Variants in ZDHHC21 observed in about 807,000 individuals in gnomAD.
ZDHHC21 encodes palmitoyltransferase ZDHHC21.
A neutral mutation model predicts 34.6 loss-of-function variants in ZDHHC21; 15 were observed. The ratio of observed to expected loss-of-function variants is 0.43; its 90% CI spans 0.29 to 0.67. The LOEUF is 0.67. Ranked by LOEUF, ZDHHC21 falls within the 30% of genes least tolerant of loss-of-function variation. ZDHHC21 has a pLI of 0.14. For synonymous variants in ZDHHC21, 142 were observed against 101.8 expected, an observed-to-expected ratio of 1.40 and a Z score of -2.38; for missense variants, 344 against 327.7, an observed-to-expected ratio of 1.05 and a Z score of -0.38.
intron 4 of ZDHHC21, among the ~76,000 whole-genome samples, chr9:14,673,861 T>A (rs1835890993): frequency 6.6e-6 from 1 of 152,024 alleles, no homozygotes; most frequent in African/African-American, 2.4e-5. Context: ...TCTTAAAACA[T>A]CTACATTTGT....
chr9:14,643,293 C>A (rs1172044910), intron 7 of ZDHHC21, among the ~76,000 whole-genome samples: 2 of 151,876 alleles, frequency 1.3e-5, no homozygotes, highest in African/African-American at 2.4e-5. Context: ...GTAACAGTAT[C>A]CTCTCAAGAA....
intron 8 of ZDHHC21, among the ~76,000 whole-genome samples, chr9:14,626,480 T>C (rs190312823): frequency 1.0e-3 from 156 of 152,088 alleles, no homozygotes; most frequent in East Asian, 9.2e-3. Flanking sequence ...AAATAAATTA[T>C]AGAAAAAGAT....
At chr9:14,640,817 G>C (rs998731453) in intron 7 of ZDHHC21, among the ~76,000 whole-genome samples, 1 of 152,118 alleles carries the variant, frequency 6.6e-6, no homozygotes, top group Non-Finnish European at 1.5e-5. Context: ...TTCTGGCTCA[G>C]AGATTGAAAA....
At chr9:14,679,326 C>T (rs1186206884) in intron 3 of ZDHHC21, among the ~76,000 whole-genome samples, 1 of 152,100 alleles carries the variant, frequency 6.6e-6, no homozygotes, top group Non-Finnish European at 1.5e-5. Context: ...AGGTAAGAAT[C>T]TAAGTCATAG....
chr9:14,676,011 G>C (rs1836305552), intron 3 of ZDHHC21, among the ~76,000 whole-genome samples: 1 of 151,958 alleles, frequency 6.6e-6, no homozygotes, highest in Non-Finnish European at 1.5e-5. Context: ...CCTATATCAT[G>C]AAGGACATAA....
Position 14,653,117 on chromosome 9 carries a change from C to A in ZDHHC21, c.504+5632G>T, listed in dbSNP as rs142477241. Reference sequence around the variant, plus strand: ...GCAATATCCAAAGATAGTTAGGGACCTTCGGGGATCTTATTCCATATCCTG... The same window carrying A: ...GCAATATCCAAAGATAGTTAGGGACATTCGGGGATCTTATTCCATATCCTG... On this transcript the variant is annotated intron_variant, in intron 7 of 9. Coordinates refer to ENST00000380916, the MANE Select transcript of ZDHHC21 (RefSeq NM_178566.6). Among the ~76,000 whole-genome samples, 195 of 151,946 alleles carry A rather than the reference C, an allele frequency of 1.3e-3. 1 individual carries two copies. Among genetic ancestry groups the A allele is most frequent in the African/African-American group, 4.6e-3 (189 of 41,472 alleles).
In ZDHHC21 at chr9:14,669,083, C is replaced by A. The variant is rs1348588108; in HGVS notation, c.253+3747G>T. Among the ~76,000 whole-genome samples the A allele has an allele frequency of 3.2e-4, 43 of 136,438 alleles. No individual in the cohort carries two copies. In the East Asian group the frequency reaches 5.1e-3, roughly 16 times the overall value. 89.5% of individuals were successfully genotyped at this position (136,438 alleles called of 152,430 possible). A position where few individuals can be genotyped will look rare whatever the true frequency, so the allele number is the denominator to read the frequency against. On this transcript the variant is annotated intron_variant, in intron 5 of 9. Transcript: ENST00000380916. Reference sequence around the variant, plus strand: ...AACAGGCAACCTACAAAATGGGAGACAATTTTCGCAACCTACTCATCTGAC... The same window carrying A: ...AACAGGCAACCTACAAAATGGGAGAAAATTTTCGCAACCTACTCATCTGAC...
chr9:14,645,318 T>C (rs553770213), intron 7 of ZDHHC21, among the ~76,000 whole-genome samples: 7 of 152,090 alleles, frequency 4.6e-5, no homozygotes, highest in African/African-American at 1.7e-4. Context: ...ATATGAATCA[T>C]GATTAGGAGA....
the ZDHHC21 span, among the ~76,000 whole-genome samples, chr9:14,598,196 C>A: frequency 6.6e-6 from 1 of 152,082 alleles, no homozygotes; most frequent in Non-Finnish European, 1.5e-5. Context: ...GCCCAAAGAC[C>A]CAAGGGCCAA....
At chr9:14,674,787 G>C (rs1836067927) in intron 3 of ZDHHC21, among the ~76,000 whole-genome samples, 1 of 151,936 alleles carries the variant, frequency 6.6e-6, no homozygotes, top group Admixed American at 6.6e-5. Context: ...GCTTTAATCA[G>C]AAGACTGATG....
chr9:14,692,852 G>A (rs117705292), intron 1 of ZDHHC21, among the ~76,000 whole-genome samples: 1,758 of 146,072 alleles, frequency 0.012, 12 homozygotes, highest in South Asian at 0.051. Flanking sequence ...GGGGGTGCGG[G>A]GAGAGAAACT....
intron 7 of ZDHHC21, among the ~76,000 whole-genome samples, chr9:14,654,750 A>G (rs1564306501): frequency 6.6e-6 from 1 of 152,222 alleles, no homozygotes; most frequent in East Asian, 1.9e-4. Context: ...AGGGTAGGTT[A>G]GACATGGCAG....
chr9:14,672,883 G>A lies in ZDHHC21; in HGVS notation c.200C>T (p.Ala67Val). 1 of 1,607,852 alleles carries A rather than the reference G, an allele frequency of 6.2e-7. No individual in the cohort carries two copies. The highest frequency in any genetic ancestry group is 1.1e-5 in the South Asian group (1 of 90,054). ...GAGTCTTCCTGGATCAGTTATGGAG[G>A]CCCTCACTAAGGCAACCAGACAGAA... is the stretch of plus-strand genomic sequence containing the variant. ...SIFCLVALVR[A>V]SITDPGRLPE... Residue 67 changes from alanine to valine, a missense_variant, in exon 5 of 10, where the codon GCC becomes GTC. By Grantham distance (64) the Ala-to-Val change is moderately conservative. Coordinates refer to ENST00000380916, the MANE Select transcript of ZDHHC21 (RefSeq NM_178566.6).
intron 3 of ZDHHC21, among the ~76,000 whole-genome samples, chr9:14,675,433 A>C (rs1333658265): frequency 6.6e-6 from 1 of 151,950 alleles, no homozygotes; most frequent in Non-Finnish European, 1.5e-5. Flanking sequence ...CCCATTCTAC[A>C]TCTACTGAAT....
chr9:14,593,579 T>C, the ZDHHC21 span: 1 of 152,126 alleles, frequency 6.6e-6, no homozygotes. Context: ...CATGACACAA[T>C]GTTTGCTCAA....
downstream of ZDHHC21, among the ~76,000 whole-genome samples, chr9:14,610,812 T>G (rs536984262): frequency 1.3e-5 from 2 of 152,208 alleles, no homozygotes; most frequent in East Asian, 3.9e-4. Flanking sequence ...TCCAGCCATC[T>G]GCGTCATCTC....
chr9:14,662,518 G>C (rs1042654105), intron 5 of ZDHHC21, among the ~76,000 whole-genome samples, 192 bp from the exon 6 acceptor site: 1 of 151,988 alleles, frequency 6.6e-6, no homozygotes, highest in African/African-American at 2.4e-5. Flanking sequence ...TATTTTGTGT[G>C]TTTCTAATTT....
At chr9:14,690,098 A>T (rs1015593917) in intron 2 of ZDHHC21, among the ~76,000 whole-genome samples, 1 of 152,024 alleles carries the variant, frequency 6.6e-6, no homozygotes, top group African/African-American at 2.4e-5. Flanking sequence ...CAAGGAAAAA[A>T]CCTTCAGATA....
chr9:14,684,406 C>T lies in ZDHHC21; in HGVS notation c.-175-4244G>A, dbSNP rs528001442. ...AATCACAAGCATTCTTATACACCAA[C>T]AACAGACAAACAGAGAGCCAAATCA... On this transcript the variant is annotated intron_variant, in intron 2 of 9. Transcript: ENST00000380916. Among the ~76,000 whole-genome samples, 542 of 147,732 alleles carry T rather than the reference C, an allele frequency of 3.7e-3. 6 individuals are homozygous for T. The highest frequency in any genetic ancestry group is 0.013 in the African/African-American group (504 of 40,302).
Sources: allele counts gnomAD v4.1 joint callset (sites outside exome capture counted in the v4.1 genomes callset), GRCh38; gene constraint gnomAD v4.1.1; transcripts MANE v1.5; gene names NCBI Gene and HGNC (gene_info 2026-07-23, HGNC 2026-07-21).